Variants in SPAG1 observed in about 807,000 individuals in gnomAD.
The protein encoded by SPAG1 is sperm associated antigen 1, also known as sperm-associated antigen 1.
In SPAG1, 69 loss-of-function variants were observed where a neutral mutation model predicts 100.5. The ratio of observed to expected loss-of-function variants is 0.69; its 90% CI spans 0.57 to 0.84. The LOEUF (loss-of-function observed/expected upper bound fraction) is 0.84. SPAG1 is among the 40% of genes least tolerant of loss of function. The pLI is 0.00. For synonymous variants in SPAG1, 336 were observed against 411.6 expected (o/e 0.82, Z 2.22); for missense variants, 955 against 1,133.1 (o/e 0.84, Z 2.26).
At chr8:100,208,931 G>A (rs1817614243) in intron 10 of SPAG1, among the ~76,000 whole-genome samples, 1 of 152,134 alleles carries the variant, frequency 6.6e-6, no homozygotes, top group East Asian at 1.9e-4. Flanking sequence ...TTAATACTGA[G>A]TGTCAACTTG....
In SPAG1 at chr8:100,239,514, T is replaced by C; in HGVS notation, c.2280+110T>C. The C allele has an allele frequency of 1.4e-6, 1 of 704,750 alleles. No homozygotes were observed. The highest frequency in any genetic ancestry group is 1.8e-5 in the South Asian group (1 of 54,390). The allele number at this position is 704,750 out of a possible 1,614,324, so 43.7% of individuals were successfully genotyped here. ...CATTTTTAATTTTGTGTTTTTATTC[T>C]GATGATCAGTGACAAAATTTTAACC... On this transcript the variant is annotated intron_variant, in intron 17 of 18. Coordinates refer to ENST00000388798, the MANE Select transcript of SPAG1 (RefSeq NM_003114.5). This position sits in a 1 kb window ranked among gnomAD's most constrained non-coding sequence, Gnocchi z 5.0.
rs1312939709 is a variant in SPAG1, at chr8:100,240,492, G to C, written c.2370G>C (p.Arg790Ser). The C allele has an allele frequency of 1.2e-6, 2 of 1,614,130 alleles. 1 individual carries two copies. The highest frequency in any genetic ancestry group is 2.2e-5 in the South Asian group (2 of 91,084). ...LASEKGGKSSRSPEDPEKLPI... is the reference protein window; with the variant it reads ...LASEKGGKSSSSPEDPEKLPI... The stretch of plus-strand genomic sequence containing the variant: ...CTGAGAAGGGAGGCAAAAGCAGCAG[G>C]TCACCAGAAGACCCTGAGAAACTTC... The change falls in exon 18 of 19, where the codon AGG becomes AGC. Residue 790 changes from arginine to serine, a missense_variant. Transcript: ENST00000388798.
chr8:100,192,713 T>C (rs972069480), intron 9 of SPAG1, among the ~76,000 whole-genome samples: 5 of 152,214 alleles, frequency 3.3e-5, no homozygotes, highest in African/African-American at 1.2e-4. Context: ...GCTTAGTATT[T>C]CCTTTTTGTA....
At chr8:100,202,262 G>A (rs1038552949) in intron 10 of SPAG1, among the ~76,000 whole-genome samples, 1 of 151,718 alleles carries the variant, frequency 6.6e-6, no homozygotes, top group Non-Finnish European at 1.5e-5. Flanking sequence ...CCAAAAGAGC[G>A]TCCAACTTAG....
intron 4 of SPAG1, 136 bp from the exon 5 acceptor site, chr8:100,183,239 C>T: frequency 2.1e-6 from 1 of 471,944 alleles, no homozygotes. Context: ...TCCCAAAGTG[C>T]TGGGATTACA....
At chr8:100,207,982 T>C (rs1328815412) in intron 10 of SPAG1, among the ~76,000 whole-genome samples, 2 of 152,144 alleles carry the variant, frequency 1.3e-5, no homozygotes, top group Admixed American at 6.6e-5. Context: ...CAATATATGG[T>C]ACTCTTCCCC....
chr8:100,200,282 T>C (rs1192568242), intron 10 of SPAG1, among the ~76,000 whole-genome samples: 1 of 152,266 alleles, frequency 6.6e-6, no homozygotes, highest in African/African-American at 2.4e-5. Flanking sequence ...GAACTCATCC[T>C]TTTTTATAGC....
At chr8:100,214,835 C>G (rs1817892961) in intron 12 of SPAG1, among the ~76,000 whole-genome samples, 1 of 151,456 alleles carries the variant, frequency 6.6e-6, no homozygotes, top group Admixed American at 6.6e-5. Context: ...CAAAAATTAG[C>G]TGGGCCTGGT....
intron 4 of SPAG1, among the ~76,000 whole-genome samples, chr8:100,181,220 CT>C (rs1285961314): frequency 6.6e-6 from 1 of 150,782 alleles, no homozygotes; most frequent in Non-Finnish European, 1.5e-5. Context: ...TATTGAAAAT[CT>C]TCTTCTTCTT....
chr8:100,190,496 C>G (rs1027945183), intron 8 of SPAG1, among the ~76,000 whole-genome samples: 3 of 149,444 alleles, frequency 2.0e-5, no homozygotes, highest in Non-Finnish European at 4.5e-5. Flanking sequence ...AAATCAAATG[C>G]GAATTATCAA....
intron 16 of SPAG1, among the ~76,000 whole-genome samples, chr8:100,238,592 A>C (rs1819113402): frequency 6.6e-6 from 1 of 152,200 alleles, no homozygotes; most frequent in African/African-American, 2.4e-5. Context: ...TTCAGTGGTC[A>C]TGTCTTGTTA....
At position 100,226,363 on chromosome 8, in the gene SPAG1, T is replaced by C. The variant is rs147373727; in HGVS notation, c.1855+1024T>C. On this transcript the variant is annotated intron_variant, in intron 14 of 18. Transcript: ENST00000388798. ...TGTCAGAAATAAATGGAGATGTGTA[T>C]ATAAAATAGTATATTCTGACTTTGT... Among the ~76,000 whole-genome samples the C allele has an allele frequency of 2.0e-3, 299 of 152,214 alleles. 1 individual carries two copies. The highest frequency in any genetic ancestry group is 3.6e-3 in the Admixed American group (55 of 15,276).
At chr8:100,217,351 A>G (rs975400) in intron 12 of SPAG1, among the ~76,000 whole-genome samples, 102,287 of 152,066 alleles carry the variant, frequency 0.67, 34,593 homozygotes, top group African/African-American at 0.75. Flanking sequence ...ATAATTTTTA[A>G]ATGTATTTTG....
intron 2 of SPAG1, among the ~76,000 whole-genome samples, chr8:100,163,255 A>G (rs1235781752): frequency 2.6e-5 from 4 of 152,192 alleles, no homozygotes; most frequent in South Asian, 2.1e-4. Context: ...TTCTGCTTCA[A>G]AAAATCTGGG....
Position 100,217,152 on chromosome 8 carries a change from G to A in SPAG1, c.1536-3127G>A, listed in dbSNP as rs572799292. On this transcript the variant is annotated intron_variant, in intron 12 of 18. Coordinates refer to ENST00000388798, the MANE Select transcript of SPAG1 (RefSeq NM_003114.5). ...GGGGTTTCACCATGCTGCAGGCCAG[G>A]CTGGTCTTGAATTCCTGACCTCAAG... Among the ~76,000 whole-genome samples the A allele has an allele frequency of 9.2e-5, 14 of 151,922 alleles. No homozygotes were observed. The South Asian group carries it at 2.9e-3, about 32-fold the overall frequency.
intron 3 of SPAG1, among the ~76,000 whole-genome samples, chr8:100,176,018 T>C (rs1308104561): frequency 6.6e-6 from 1 of 152,206 alleles, no homozygotes; most frequent in Non-Finnish European, 1.5e-5. Context: ...TGCTTGCTTC[T>C]GTTCCTTACT....
chr8:100,170,842 TTTA>T (rs1439135047), intron 3 of SPAG1, among the ~76,000 whole-genome samples: 3,856 of 149,908 alleles, frequency 0.026, 165 homozygotes, highest in African/African-American at 0.084. Context: ...TATTTATTTA[TTTA>T]TTTATTTTTT....
Position 100,165,964 on chromosome 8 carries a change from T to C in SPAG1, c.291T>C (p.Gly97=). 1 of 1,613,246 alleles carries C rather than the reference T, an allele frequency of 6.2e-7. No individual in the cohort carries two copies. Among genetic ancestry groups the C allele is most frequent in the Non-Finnish European group, 8.5e-7 (1 of 1,179,540 alleles). ...CTGAAGAATGGGAAAAAATTGATGGTGATATAAAGGTATATAGTAATACCA... is the reference window on the plus strand; with the variant it reads ...CTGAAGAATGGGAAAAAATTGATGGCGATATAAAGGTATATAGTAATACCA... ...FTAEEWEKID[G]DIKSWVSEIK... is the part of the protein sequence containing the mutation. Residue 97 remains glycine (G), a synonymous_variant, in exon 3 of 19, where the codon GGT becomes GGC. Transcript: ENST00000388798.
Position 100,187,262 on chromosome 8 carries a change from T to C in SPAG1, c.832+12T>C. 1 of 1,591,290 alleles carries C rather than the reference T, an allele frequency of 6.3e-7. No homozygotes were observed. Among genetic ancestry groups the C allele is most frequent in the Non-Finnish European group, 8.6e-7 (1 of 1,167,962 alleles). ...TGGAAACGTAAAGGGTAAAAAATAT[T>C]ATAGAATTCTTTTACATTTACAGCA... On this transcript the variant is annotated intron_variant, in intron 8 of 18. Coordinates refer to ENST00000388798, the MANE Select transcript of SPAG1 (RefSeq NM_003114.5).
Sources: allele counts gnomAD v4.1 joint callset (sites outside exome capture counted in the v4.1 genomes callset), GRCh38; gene constraint gnomAD v4.1.1; non-coding constraint Gnocchi (gnomAD v3.1); transcripts MANE v1.5; gene names NCBI Gene and HGNC (gene_info 2026-07-23, HGNC 2026-07-21).